FHIT: variants seen among roughly 807,000 people sequenced by gnomAD.
The protein encoded by FHIT is bis(5'-adenosyl)-triphosphatase.
In FHIT, 19 loss-of-function variants were observed where a neutral mutation model predicts 17.9. The observed-to-expected ratio is 1.06, with a 90% CI of 0.74 to 1.56. FHIT has a LOEUF of 1.56. Ranked by LOEUF, FHIT falls within the 40% of genes most tolerant of loss-of-function variation. The pLI is 0.00. For synonymous variants in FHIT, 81 were observed against 69.7 expected, an observed-to-expected ratio of 1.16 and a Z score of -0.81; for missense variants, 248 against 189.2, an observed-to-expected ratio of 1.31 and a Z score of -1.82.
chr3:60,409,590 T>C lies in FHIT; in HGVS notation c.103+127270A>G, dbSNP rs978529191. Reference sequence around the variant, plus strand: ...GAACTTGGTTTGCCAACTAACCTTGTAATAACCATAGACTAAGATGTCAGT... The same window carrying C: ...GAACTTGGTTTGCCAACTAACCTTGCAATAACCATAGACTAAGATGTCAGT... On this transcript the variant is annotated intron_variant, in intron 5 of 9. Transcript: ENST00000492590. Among the ~76,000 whole-genome samples, 8 of 152,200 alleles carry C rather than the reference T, an allele frequency of 5.3e-5. No individual in the cohort carries two copies. In the South Asian group the frequency reaches 1.5e-3, roughly 28 times the overall value.
chr3:60,290,024 C>T (rs200634799), intron 5 of FHIT, among the ~76,000 whole-genome samples: 1 of 152,256 alleles, frequency 6.6e-6, no homozygotes, highest in South Asian at 2.1e-4. Flanking sequence ...TAATGACCCA[C>T]CAGGATCTCA....
chr3:60,975,118 C>T (rs907115850), intron 3 of FHIT, among the ~76,000 whole-genome samples: 4 of 152,116 alleles, frequency 2.6e-5, no homozygotes, highest in African/African-American at 7.2e-5. Flanking sequence ...CAAGTGGACA[C>T]GAATTCAAGC....
intron 5 of FHIT, among the ~76,000 whole-genome samples, chr3:60,441,806 A>ATAAAAATATATATATATATT (rs2030899774): frequency 1.9e-5 from 2 of 103,044 alleles, no homozygotes; most frequent in Non-Finnish European, 3.8e-5. Flanking sequence ...ATATATATAT[A>ATAAAAATATATATATATATT]TATATATATC....
chr3:60,392,698 A>T (rs1701280082), intron 5 of FHIT, among the ~76,000 whole-genome samples: 1 of 152,192 alleles, frequency 6.6e-6, no homozygotes, highest in Admixed American at 6.5e-5. Flanking sequence ...CCTCAGAAGA[A>T]TTATAACAGG....
intron 2 of FHIT, among the ~76,000 whole-genome samples, chr3:61,171,584 T>C (rs1418345318): frequency 6.6e-6 from 1 of 152,158 alleles, no homozygotes; most frequent in Non-Finnish European, 1.5e-5. Flanking sequence ...TTATTCAACT[T>C]TCATATAAGC....
chr3:59,891,021 C>G (rs545021772), intron 8 of FHIT, among the ~76,000 whole-genome samples: 1 of 152,182 alleles, frequency 6.6e-6, no homozygotes, highest in Non-Finnish European at 1.5e-5. Context: ...ATTACACAAG[C>G]ATGCACTCAG....
At chr3:60,959,683 G>T (rs555762062) in intron 3 of FHIT, among the ~76,000 whole-genome samples, 2 of 152,212 alleles carry the variant, frequency 1.3e-5, no homozygotes, top group South Asian at 4.1e-4. Flanking sequence ...GAGGGAACAA[G>T]AATGTGCAAA....
intron 2 of FHIT, among the ~76,000 whole-genome samples, chr3:61,160,757 C>T (rs1488052079): frequency 6.6e-6 from 1 of 152,168 alleles, no homozygotes; most frequent in Non-Finnish European, 1.5e-5. Flanking sequence ...AAAGAATGGG[C>T]TATTTCTCTA....
intron 8 of FHIT, among the ~76,000 whole-genome samples, chr3:59,906,220 A>G (rs938821336): frequency 5.3e-5 from 8 of 152,362 alleles, no homozygotes; most frequent in African/African-American, 1.9e-4. Context: ...AGCCCCAAGG[A>G]CATGAAAACT....
At chr3:60,381,822 CTG>C (rs1007549226) in intron 5 of FHIT, among the ~76,000 whole-genome samples, 77 of 152,074 alleles carry the variant, frequency 5.1e-4, no homozygotes, top group African/African-American at 1.8e-3. Flanking sequence ...CTCTGTAACT[CTG>C]TAACTCTGGG....
chr3:60,546,846 T>C (rs1238324964), intron 4 of FHIT, among the ~76,000 whole-genome samples: 1 of 152,032 alleles, frequency 6.6e-6, no homozygotes, highest in Non-Finnish European at 1.5e-5. Flanking sequence ...CCACATGATG[T>C]AGGTACCCTT....
intron 7 of FHIT, among the ~76,000 whole-genome samples, chr3:59,941,968 G>C (rs1238660595): frequency 6.6e-6 from 1 of 152,186 alleles, no homozygotes; most frequent in African/African-American, 2.4e-5. Flanking sequence ...TCGTGAACTA[G>C]ACTTTTCCCT....
intron 4 of FHIT, among the ~76,000 whole-genome samples, chr3:60,658,478 A>G (rs1176051425): frequency 6.6e-6 from 1 of 152,012 alleles, no homozygotes; most frequent in Non-Finnish European, 1.5e-5. Flanking sequence ...TACCACAGGG[A>G]TTATATTTAA....
intron 2 of FHIT, among the ~76,000 whole-genome samples, chr3:61,169,806 A>G (rs1263194972): frequency 1.3e-5 from 2 of 152,170 alleles, no homozygotes. Flanking sequence ...ATCAGGTTCA[A>G]CTCCAAATAC....
rs1017235255 is a variant in FHIT, at chr3:59,905,786, C to T, written c.348+16560G>A. Among the ~76,000 whole-genome samples the T allele has an allele frequency of 4.6e-5, 7 of 152,110 alleles. No individual in the cohort carries two copies. In the South Asian group the frequency reaches 6.2e-4, roughly 14 times the overall value. On this transcript the variant is annotated intron_variant, in intron 8 of 9. Transcript: ENST00000492590. ...TCCTCCTGTGACAGAAGAACAAAAA[C>T]GTCAACGTTCACAGCTTAAAGACAT... is the stretch of plus-strand genomic sequence containing the variant.
chr3:60,598,055 T>C (rs373282174), intron 4 of FHIT, among the ~76,000 whole-genome samples: 7 of 152,114 alleles, frequency 4.6e-5, no homozygotes, highest in Non-Finnish European at 1.0e-4. Context: ...TTCTTTCATC[T>C]TGAAAGTATA....
At chr3:60,851,648 A>G (rs1553748379) in intron 3 of FHIT, among the ~76,000 whole-genome samples, 1 of 152,160 alleles carries the variant, frequency 6.6e-6, no homozygotes, top group Non-Finnish European at 1.5e-5. Context: ...CATTTATGTC[A>G]TAAAGTCTTT....
At chr3:60,203,956 AG>A (rs1290352234) in intron 5 of FHIT, among the ~76,000 whole-genome samples, 1 of 152,216 alleles carries the variant, frequency 6.6e-6, no homozygotes, top group African/African-American at 2.4e-5. Context: ...GGTCATGGGG[AG>A]GGGGGTGAAT....
chr3:60,268,495 T>G (rs893911340), intron 5 of FHIT, among the ~76,000 whole-genome samples: 1 of 152,234 alleles, frequency 6.6e-6, no homozygotes, highest in Non-Finnish European at 1.5e-5. Context: ...GACTTGGGAC[T>G]GGCACAGTCA....
Sources: allele counts gnomAD v4.1 joint callset (sites outside exome capture counted in the v4.1 genomes callset), GRCh38; gene constraint gnomAD v4.1.1; transcripts MANE v1.5; gene names NCBI Gene and HGNC (gene_info 2026-07-23, HGNC 2026-07-21).